Variants in PCDH15 observed in about 807,000 individuals in gnomAD.
PCDH15 encodes the protein protocadherin-15.
In PCDH15, 129 loss-of-function variants were observed where a neutral mutation model predicts 178.5. The observed-to-expected ratio is 0.72, with a 90% CI of 0.63 to 0.84. PCDH15 has a LOEUF of 0.84. Ranked by LOEUF, PCDH15 falls within the 40% of genes least tolerant of loss-of-function variation. PCDH15 has a pLI of 0.00. For missense variants in PCDH15, 2,230 were observed against 2,099.9 expected, an observed-to-expected ratio of 1.06 and a Z score of -1.21; for synonymous variants, 800 against 732.0, an observed-to-expected ratio of 1.09 and a Z score of -1.50.
intron 2 of PCDH15, among the ~76,000 whole-genome samples, chr10:55,570,939 AG>A (rs776191876): frequency 1.3e-5 from 2 of 152,092 alleles, no homozygotes; most frequent in Non-Finnish European, 1.5e-5. Context: ...AACTTTTTTA[AG>A]GCCACTATCA....
intron 17 of PCDH15, among the ~76,000 whole-genome samples, chr10:54,070,356 A>G (rs1014427430): frequency 6.6e-6 from 1 of 152,028 alleles, no homozygotes; most frequent in Non-Finnish European, 1.5e-5. Context: ...GACATGTGCC[A>G]CCATGCCTGG....
intron 3 of PCDH15, among the ~76,000 whole-genome samples, chr10:54,806,985 A>T (rs1370254807): frequency 6.6e-6 from 1 of 152,194 alleles, no homozygotes; most frequent in Non-Finnish European, 1.5e-5. Context: ...CGCAGGACTG[A>T]TATCCTATCA....
intron 2 of PCDH15, among the ~76,000 whole-genome samples, chr10:54,659,841 G>C (rs892355725): frequency 2.6e-5 from 4 of 151,082 alleles, no homozygotes; most frequent in African/African-American, 9.7e-5. Context: ...AATGATTTTA[G>C]GCTAAACAAG....
At chr10:54,480,658 T>G (rs2078654088) in intron 3 of PCDH15, among the ~76,000 whole-genome samples, 1 of 152,012 alleles carries the variant, frequency 6.6e-6, no homozygotes, top group Non-Finnish European at 1.5e-5. Flanking sequence ...TTAGTTGTAT[T>G]TATCCCCATT....
At chr10:55,481,401 C>A (rs1840178043) in intron 2 of PCDH15, among the ~76,000 whole-genome samples, 1 of 151,398 alleles carries the variant, frequency 6.6e-6, no homozygotes, top group African/African-American at 2.4e-5. Flanking sequence ...AGTATTGGTT[C>A]TCTAGTTCTT....
intron 2 of PCDH15, among the ~76,000 whole-genome samples, chr10:55,441,525 A>G (rs1021380766): frequency 1.3e-5 from 2 of 152,206 alleles, no homozygotes; most frequent in Non-Finnish European, 2.9e-5. Context: ...ACTGCAGCAG[A>G]GACAGGCTTA....
chr10:54,739,448 C>T lies in PCDH15; in HGVS notation c.-29+61477G>A, dbSNP rs200401931. ...AGGAGACAAAAACATGGTAAGATAC[C>T]TCATGTTTTGGGATTGGAAGAATTA... On this transcript the variant is annotated intron_variant, in intron 1 of 37. Transcript: ENST00000644397. Among the ~76,000 whole-genome samples, 8 of 151,218 alleles carry T rather than the reference C, an allele frequency of 5.3e-5. No homozygotes were observed. The East Asian group carries it at 1.6e-3, about 30-fold the overall frequency.
chr10:54,481,079 A>G (rs2078683306), intron 3 of PCDH15, among the ~76,000 whole-genome samples: 1 of 151,870 alleles, frequency 6.6e-6, no homozygotes, highest in African/African-American at 2.4e-5. Context: ...GATTTTAGTA[A>G]CACCTAATTT....
chr10:55,533,007 A>T (rs1841487585), intron 2 of PCDH15, among the ~76,000 whole-genome samples: 1 of 151,966 alleles, frequency 6.6e-6, no homozygotes, highest in Admixed American at 6.6e-5. Flanking sequence ...ATTCCTACAC[A>T]TCTCCTTCTT....
At chr10:55,277,209 T>C (rs1842617353) in intron 1 of PCDH15, among the ~76,000 whole-genome samples, 1 of 152,096 alleles carries the variant, frequency 6.6e-6, no homozygotes, top group Non-Finnish European at 1.5e-5. Context: ...ATGGTCTTGA[T>C]TTCCGGTTGA....
At chr10:53,955,358 T>C (rs373039875) in intron 23 of PCDH15, among the ~76,000 whole-genome samples, 1 of 152,308 alleles carries the variant, frequency 6.6e-6, no homozygotes, top group East Asian at 1.9e-4. Flanking sequence ...CTCAGTCTGA[T>C]TACCCTGAGA....
intron 2 of PCDH15, among the ~76,000 whole-genome samples, chr10:54,570,589 T>G (rs1486097683): frequency 6.6e-6 from 1 of 152,100 alleles, no homozygotes; most frequent in Non-Finnish European, 1.5e-5. Flanking sequence ...ATTTATTCTA[T>G]TATTAAGTTG....
chr10:54,725,872 T>C (rs10825384), intron 1 of PCDH15, among the ~76,000 whole-genome samples: 150,813 of 151,434 alleles, frequency 1, 75,100 homozygotes, highest in Middle Eastern at 1. Flanking sequence ...AATTTCAAGT[T>C]GGAATTCAGT....
At chr10:55,603,616 A>G (rs2132148603) in intron 2 of PCDH15, among the ~76,000 whole-genome samples, 1 of 151,626 alleles carries the variant, frequency 6.6e-6, no homozygotes, top group South Asian at 2.1e-4. Flanking sequence ...AAGAATTTTC[A>G]ACCCAGAATT....
chr10:54,661,541 A>C (rs1336709948), intron 2 of PCDH15, among the ~76,000 whole-genome samples: 1 of 151,898 alleles, frequency 6.6e-6, no homozygotes, highest in Non-Finnish European at 1.5e-5. Context: ...TCATAAAATT[A>C]TAAAAAAAAA....
At chr10:54,162,832 T>C (rs767719368) in intron 13 of PCDH15, among the ~76,000 whole-genome samples, 1 of 152,188 alleles carries the variant, frequency 6.6e-6, no homozygotes, top group Non-Finnish European at 1.5e-5. Flanking sequence ...TGATATGCAG[T>C]GGCTGGCAGC....
chr10:55,484,336 A>T (rs944663938), intron 2 of PCDH15, among the ~76,000 whole-genome samples: 1 of 151,812 alleles, frequency 6.6e-6, no homozygotes, highest in African/African-American at 2.4e-5. Flanking sequence ...GTCTATAAAA[A>T]TTATAAAAGA....
chr10:54,270,907 T>G (rs1053401251), intron 8 of PCDH15, among the ~76,000 whole-genome samples: 1 of 152,078 alleles, frequency 6.6e-6, no homozygotes, highest in Non-Finnish European at 1.5e-5. Context: ...AATAAACATA[T>G]AACATGTCAG....
At chr10:54,844,397 C>T (rs917523283) in intron 3 of PCDH15, among the ~76,000 whole-genome samples, 3 of 151,984 alleles carry the variant, frequency 2.0e-5, no homozygotes, top group African/African-American at 7.2e-5. Flanking sequence ...ATATCACTCT[C>T]CCTACTTTTT....
Sources: gnomAD v4.1 joint callset for allele counts (sites outside exome capture counted in the v4.1 genomes callset) on GRCh38, gnomAD v4.1.1 for gene constraint, MANE v1.5 for transcripts, NCBI Gene and HGNC (gene_info 2026-07-23, HGNC 2026-07-21) for gene names.